Variants in NAALADL2 observed in about 807,000 individuals in gnomAD.
NAALADL2 encodes the protein inactive N-acetylated-alpha-linked acidic dipeptidase-like protein 2.
In NAALADL2, 76 loss-of-function variants were observed where a neutral mutation model predicts 87.2. The observed-to-expected ratio is 0.87, with a 90% CI of 0.72 to 1.05. NAALADL2 has a LOEUF of 1.05. NAALADL2 is among the 50% of genes least tolerant of loss of function. The pLI, the probability that NAALADL2 is intolerant of heterozygous loss-of-function variation, is 0.00. For missense variants in NAALADL2, 1,089 were observed against 945.8 expected (o/e 1.15, Z -1.99); for synonymous variants, 354 against 331.0 (o/e 1.07, Z -0.75).
In NAALADL2 at chr3:175,804,264, C is replaced by A. The variant is rs1420220420; in HGVS notation, c.*1061C>A. ...AAAGCCCCTTAATATTATGAAGAAACTTTTCATATTTTTTCTTCTTTATCC... is the reference window on the plus strand; with the variant it reads ...AAAGCCCCTTAATATTATGAAGAAAATTTTCATATTTTTTCTTCTTTATCC... On this transcript the variant is annotated 3_prime_UTR_variant, in exon 14 of 14. Coordinates refer to ENST00000454872, the MANE Select transcript of NAALADL2 (RefSeq NM_207015.3). The A allele has an allele frequency of 6.6e-6, 1 of 151,752 alleles. No homozygotes were observed. Among genetic ancestry groups the A allele is most frequent in the East Asian group, 1.9e-4 (1 of 5,174 alleles). 9.4% of individuals were successfully genotyped at this position (151,752 alleles called of 1,614,324 possible). A position where few individuals can be genotyped will look rare whatever the true frequency, so the allele number is the denominator to read the frequency against.
At chr3:175,793,875 G>A (rs912386559) in intron 13 of NAALADL2, among the ~76,000 whole-genome samples, 1 of 152,082 alleles carries the variant, frequency 6.6e-6, no homozygotes, top group African/African-American at 2.4e-5. Context: ...AGAATAAGCG[G>A]AAAAACATCA....
At chr3:175,166,205 A>G (rs1733981101) in intron 2 of NAALADL2, among the ~76,000 whole-genome samples, 1 of 152,120 alleles carries the variant, frequency 6.6e-6, no homozygotes, top group Non-Finnish European at 1.5e-5. Context: ...TGACTTTCTC[A>G]GAGTTGTTCC....
At chr3:175,383,731 CT>C (rs1290647684) in intron 5 of NAALADL2, among the ~76,000 whole-genome samples, 1 of 151,974 alleles carries the variant, frequency 6.6e-6, no homozygotes. Flanking sequence ...CAGAGAAGTT[CT>C]TTTACTTAAG....
chr3:175,634,353 A>T (rs970891647), intron 11 of NAALADL2, among the ~76,000 whole-genome samples: 3 of 151,930 alleles, frequency 2.0e-5, no homozygotes, highest in Admixed American at 6.6e-5. Context: ...ACATGTTTGT[A>T]TCAGTTGTTA....
At chr3:175,338,952 T>G (rs1762309708) in intron 5 of NAALADL2, among the ~76,000 whole-genome samples, 1 of 152,068 alleles carries the variant, frequency 6.6e-6, no homozygotes, top group South Asian at 2.1e-4. Flanking sequence ...GTAACAGCAT[T>G]GGTGTTGTAC....
chr3:174,941,716 C>T (rs1560392616), intron 1 of NAALADL2, among the ~76,000 whole-genome samples: 1 of 151,954 alleles, frequency 6.6e-6, no homozygotes, highest in Non-Finnish European at 1.5e-5. Context: ...ATAGTTAGGT[C>T]TTCTTGTTGA....
chr3:175,328,480 G>A (rs924806118), intron 5 of NAALADL2, among the ~76,000 whole-genome samples: 13 of 151,316 alleles, frequency 8.6e-5, no homozygotes, highest in African/African-American at 2.7e-4. Flanking sequence ...AGAGTGTTTC[G>A]TAGGGCACGG....
At chr3:174,818,329 A>C (rs1721019674) in intron 3 of NAALADL2, among the ~76,000 whole-genome samples, 1 of 152,086 alleles carries the variant, frequency 6.6e-6, no homozygotes, top group Non-Finnish European at 1.5e-5. Context: ...CTCTTCACTT[A>C]ATGCAGAGCT....
intron 9 of NAALADL2, among the ~76,000 whole-genome samples, chr3:175,555,442 G>A (rs1273726579): frequency 6.6e-6 from 1 of 152,068 alleles, no homozygotes; most frequent in Non-Finnish European, 1.5e-5. Flanking sequence ...TGTTAACGTC[G>A]TGAAGTAATT....
Position 174,453,803 on chromosome 3 carries a change from A to G in NAALADL2, c.-184+12771A>G, listed in dbSNP as rs549200899. On this transcript the variant is annotated intron_variant, in intron 1 of 3. Transcript: ENST00000434257. ...GGAGAGACCATTACCAGCCGCTACAAAAACACTTAAGGACACAAACCAACA... is the reference window on the plus strand; with the variant it reads ...GGAGAGACCATTACCAGCCGCTACAGAAACACTTAAGGACACAAACCAACA... Among the ~76,000 whole-genome samples the G allele has an allele frequency of 3.1e-3, 465 of 152,308 alleles. 2 individuals are homozygous for G. The highest frequency in any genetic ancestry group is 6.8e-3 in the Middle Eastern group (2 of 294).
At chr3:175,709,137 A>T (rs1392841866) in intron 11 of NAALADL2, among the ~76,000 whole-genome samples, 1 of 152,062 alleles carries the variant, frequency 6.6e-6, no homozygotes, top group Non-Finnish European at 1.5e-5. Flanking sequence ...ATGTTTCTGT[A>T]TCCTGGAACC....
intron 5 of NAALADL2, among the ~76,000 whole-genome samples, chr3:175,423,289 A>G (rs958974391): frequency 1.9e-4 from 26 of 139,724 alleles, no homozygotes; most frequent in African/African-American, 6.5e-4. Flanking sequence ...ATTATACTCT[A>G]AGTTTTAGGG....
chr3:174,855,798 A>ACACG (rs1455893589), upstream of NAALADL2, among the ~76,000 whole-genome samples: 1 of 149,780 alleles, frequency 6.7e-6, no homozygotes, highest in African/African-American at 2.5e-5. Context: ...ACACACACAC[A>ACACG]CACACACACA....
At chr3:174,758,323 A>G (rs1394025865) in intron 3 of NAALADL2, among the ~76,000 whole-genome samples, 4 of 152,256 alleles carry the variant, frequency 2.6e-5, no homozygotes, top group Non-Finnish European at 4.4e-5. Flanking sequence ...CCCTGTGCCA[A>G]CATTTTCTCA....
At chr3:174,648,938 G>T (rs939662557) in intron 2 of NAALADL2, among the ~76,000 whole-genome samples, 1 of 152,036 alleles carries the variant, frequency 6.6e-6, no homozygotes, top group Non-Finnish European at 1.5e-5. Flanking sequence ...CTAATCAGGA[G>T]AACCTGTTTT....
intron 3 of NAALADL2, among the ~76,000 whole-genome samples, chr3:174,770,830 A>G (rs1916234): frequency 0.26 from 38,324 of 149,482 alleles, 5,073 homozygotes; most frequent in East Asian, 0.4. Context: ...CCTGGGCGAC[A>G]GCAAGACTCG....
At chr3:174,870,115 G>A (rs146758975) in intron 1 of NAALADL2, among the ~76,000 whole-genome samples, 12 of 151,838 alleles carry the variant, frequency 7.9e-5, no homozygotes, top group East Asian at 1.9e-4. Flanking sequence ...GCGTGTGTGC[G>A]TGTGTACGTG....
At chr3:174,686,175 G>T (rs1240825480) in intron 2 of NAALADL2, among the ~76,000 whole-genome samples, 1 of 151,920 alleles carries the variant, frequency 6.6e-6, no homozygotes, top group East Asian at 1.9e-4. Context: ...ATTCCTTTGG[G>T]CGTATACCCT....
At chr3:175,495,172 T>G (rs990840974) in intron 9 of NAALADL2, among the ~76,000 whole-genome samples, 1 of 151,522 alleles carries the variant, frequency 6.6e-6, no homozygotes, top group Non-Finnish European at 1.5e-5. Context: ...AAATATCATA[T>G]ATTTATTGAA....
Sources: allele counts gnomAD v4.1 joint callset (sites outside exome capture counted in the v4.1 genomes callset), GRCh38; gene constraint gnomAD v4.1.1; transcripts MANE v1.5; gene names NCBI Gene and HGNC (gene_info 2026-07-23, HGNC 2026-07-21).